The following SOCS7 variants were observed in gnomAD, a reference collection of about 807,000 sequenced individuals.
The protein encoded by SOCS7 is suppressor of cytokine signaling 7.
In SOCS7, 18 loss-of-function variants were observed where a neutral mutation model predicts 58.9. The ratio of observed to expected loss-of-function variants is 0.31; its 90% CI spans 0.21 to 0.45. The LOEUF is 0.45. SOCS7 is among the 20% of genes least tolerant of loss of function. The pLI is 1.00. For synonymous variants in SOCS7, 388 were observed against 364.3 expected (o/e 1.06, Z -0.74); for missense variants, 667 against 837.3 (o/e 0.80, Z 2.51).
chr17:38,360,685 A>G (rs1464302580), intron 1 of SOCS7, among the ~76,000 whole-genome samples: 1 of 151,814 alleles, frequency 6.6e-6, no homozygotes, highest in Admixed American at 6.6e-5. Flanking sequence ...GACTACAGGC[A>G]CCCGCCACCA....
Position 38,352,142 on chromosome 17 carries a change from G to T in SOCS7, c.90G>T (p.Ala30=). ...GCCGCCTCCTTGGCTATGGAGAGGC[G>T]GCCCCCGAGCCAGGCCCTCCGCCAC... ...VLSRLLGYGE[A]APEPGPPPPP... is the part of the protein sequence containing the mutation. Residue 30 remains alanine (A), a synonymous_variant, in exon 1 of 10, where the codon GCG becomes GCT. Transcript: ENST00000612932. This position sits in a 1 kb window ranked among gnomAD's most constrained non-coding sequence, Gnocchi z 5.5. 2 of 1,120,758 alleles carry T rather than the reference G, an allele frequency of 1.8e-6. No homozygotes were observed. Among genetic ancestry groups the T allele is most frequent in the South Asian group, 3.9e-5 (1 of 25,972 alleles). The allele number at this position is 1,120,758 out of a possible 1,614,324, so 69.4% of individuals were successfully genotyped here. A position where few individuals can be genotyped will look rare whatever the true frequency, so the allele number is the denominator to read the frequency against.
chr17:38,368,018 T>A lies in SOCS7; in HGVS notation c.1520T>A (p.Ile507Asn). The A allele has an allele frequency of 6.2e-7, 1 of 1,614,166 alleles. No homozygotes were observed. The highest frequency in any genetic ancestry group is 8.5e-7 in the Non-Finnish European group (1 of 1,180,032). The stretch of plus-strand genomic sequence containing the variant: ...AGCCTCAGTTTCCGATCACAGGGTA[T>A]CACCCACCACACTAGAATGGAGCAC... Reference protein sequence around the residue: ...ILSLSFRSQGITHHTRMEHYR... With the variant: ...ILSLSFRSQGNTHHTRMEHYR... Residue 507 changes from isoleucine to asparagine, a missense_variant, in exon 6 of 10, where the codon ATC (isoleucine) becomes AAC (asparagine). Around this residue, in one of 9 missense-constraint regions of SOCS7, gnomAD observed 76 missense variants for 194.5 expected, o/e 0.39. Coordinates refer to ENST00000612932, the MANE Select transcript of SOCS7 (RefSeq NM_014598.4).
rs556591858 is a variant in SOCS7 at position 38,394,244 on chromosome 17, A to G, written c.1682-1065A>G. Among the ~76,000 whole-genome samples, 150 of 152,312 alleles carry G rather than the reference A, an allele frequency of 9.8e-4. 1 individual carries two copies. Among genetic ancestry groups the G allele is most frequent in the Admixed American group, 1.6e-3 (24 of 15,296 alleles). ...GGTACTCCCATTGAGTCTATTTGGC[A>G]TCAATCAGCAGGCGGGTTTGCACTG... On this transcript the variant is annotated intron_variant, in intron 7 of 9. Transcript: ENST00000612932.
At chr17:38,398,020 C>T (rs1216740496) in intron 9 of SOCS7, among the ~76,000 whole-genome samples, 7 of 152,050 alleles carry the variant, frequency 4.6e-5, no homozygotes, top group Non-Finnish European at 2.9e-5. Context: ...CTGGGAAGGA[C>T]GTGGCATGAT....
chr17:38,376,718 C>A (rs1191714805), intron 6 of SOCS7, among the ~76,000 whole-genome samples: 3 of 149,282 alleles, frequency 2.0e-5, no homozygotes, highest in Admixed American at 6.7e-5. Context: ...GGTGCCAGAG[C>A]AAGACCCTGT....
intron 7 of SOCS7, among the ~76,000 whole-genome samples, chr17:38,383,520 G>T (rs2038029511): frequency 6.6e-6 from 1 of 152,106 alleles, no homozygotes; most frequent in South Asian, 2.1e-4. Flanking sequence ...TTACCTGTCT[G>T]ATTGCCAGGT....
chr17:38,376,593 G>C (rs532138459), intron 6 of SOCS7, among the ~76,000 whole-genome samples: 2 of 151,972 alleles, frequency 1.3e-5, no homozygotes, highest in African/African-American at 2.4e-5. Context: ...TTAGCCAGGC[G>C]TGGTGGCAGG....
intron 7 of SOCS7, among the ~76,000 whole-genome samples, chr17:38,385,958 C>T (rs1371067977): frequency 1.3e-5 from 2 of 151,818 alleles, no homozygotes; most frequent in Non-Finnish European, 2.9e-5. Flanking sequence ...GCAGGAGGAT[C>T]GCTTATACCC....
intron 3 of SOCS7, 144 bp from the exon 4 acceptor site, chr17:38,365,164 G>A: frequency 1.6e-6 from 1 of 620,858 alleles, no homozygotes; most frequent in Non-Finnish European, 2.8e-6. Context: ...GATGATTGTT[G>A]CCCTCTGTGC....
chr17:38,391,109 TTATAGC>T (rs1252708656), intron 7 of SOCS7, among the ~76,000 whole-genome samples: 1 of 152,214 alleles, frequency 6.6e-6, no homozygotes, highest in African/African-American at 2.4e-5. Flanking sequence ...TTTGGATTGT[TTATAGC>T]TAGAGTATAG....
chr17:38,353,198 T>C (rs116448334), intron 1 of SOCS7, among the ~76,000 whole-genome samples, 166 bp downstream of exon 1: 90 of 152,354 alleles, frequency 5.9e-4, no homozygotes, highest in African/African-American at 2.0e-3. Context: ...GCGCTAATTG[T>C]GGAAACAGCT....
At position 38,399,136 on chromosome 17, in the gene SOCS7, C is replaced by T. The variant is rs531510292; in HGVS notation, c.*31-377C>T. On this transcript the variant is annotated intron_variant, in intron 9 of 9. Coordinates refer to ENST00000612932, the MANE Select transcript of SOCS7 (RefSeq NM_014598.4). Reference sequence around the variant, plus strand: ...AAAGAAATATAGAGCTCTTTCTTGCCAGGTTCAAAAGGGGTTACTCCAGGG... The same window carrying T: ...AAAGAAATATAGAGCTCTTTCTTGCTAGGTTCAAAAGGGGTTACTCCAGGG... 1.5e-4 allele frequency among the ~76,000 whole-genome samples: 22 copies of T among 151,720 alleles called. No individual in the cohort carries two copies. In the East Asian group the frequency reaches 4.3e-3, roughly 29 times the overall value.
chr17:38,377,364 G>A (rs879673778), intron 6 of SOCS7, among the ~76,000 whole-genome samples: 1 of 152,154 alleles, frequency 6.6e-6, no homozygotes, highest in Non-Finnish European at 1.5e-5. Flanking sequence ...GGATTTCAGA[G>A]TTTTGGATTA....
intron 6 of SOCS7, among the ~76,000 whole-genome samples, chr17:38,371,099 TTG>T (rs1189661828): frequency 1.3e-5 from 2 of 152,096 alleles, no homozygotes; most frequent in Non-Finnish European, 2.9e-5. Context: ...TATCCCTTTT[TTG>T]TGTTTGTTTG....
intron 7 of SOCS7, among the ~76,000 whole-genome samples, chr17:38,383,741 A>G (rs1380626925): frequency 6.6e-6 from 1 of 151,916 alleles, no homozygotes; most frequent in African/African-American, 2.4e-5. Flanking sequence ...ACGGGGTTTC[A>G]CCATATTGGT....
chr17:38,369,106 T>C (rs1478514459), intron 6 of SOCS7, among the ~76,000 whole-genome samples: 1 of 152,238 alleles, frequency 6.6e-6, no homozygotes, highest in Middle Eastern at 3.2e-3. Context: ...ATACATCCTT[T>C]GTCAAAATAC....
At chr17:38,361,448 T>C (rs894662394) in intron 1 of SOCS7, among the ~76,000 whole-genome samples, 3 of 152,266 alleles carry the variant, frequency 2.0e-5, no homozygotes, top group Admixed American at 2.0e-4. Context: ...GTTTTACTCT[T>C]TTAATGTACT....
At chr17:38,388,904 A>G (rs947930074) in intron 7 of SOCS7, among the ~76,000 whole-genome samples, 9 of 152,178 alleles carry the variant, frequency 5.9e-5, no homozygotes, top group African/African-American at 1.9e-4. Context: ...GGTTGTTTCC[A>G]GTTTTTGGCT....
chr17:38,369,301 C>T (rs2037831024), intron 6 of SOCS7, among the ~76,000 whole-genome samples: 1 of 152,214 alleles, frequency 6.6e-6, no homozygotes, highest in Non-Finnish European at 1.5e-5. Flanking sequence ...ACTCAGCCCA[C>T]ACTGCATCGG....
Sources: allele counts gnomAD v4.1 joint callset (sites outside exome capture counted in the v4.1 genomes callset), GRCh38; gene constraint gnomAD v4.1.1; regional missense constraint gnomAD v4.1.1; non-coding constraint Gnocchi (gnomAD v3.1); transcripts MANE v1.5; gene names NCBI Gene and HGNC (gene_info 2026-07-23, HGNC 2026-07-21).